The following STK32C variants were observed in gnomAD, a reference collection of about 807,000 sequenced individuals.
The protein encoded by STK32C is serine/threonine kinase 32C.
Under a neutral mutation model 56.5 loss-of-function variants are expected in STK32C, and 31 were observed. The observed-to-expected ratio is 0.55, with a 90% CI of 0.41 to 0.74. The LOEUF (loss-of-function observed/expected upper bound fraction) is 0.74, where lower values mean the gene tolerates loss of function less well. STK32C is among the 30% of genes least tolerant of loss of function. The pLI is 0.00. For missense variants in STK32C, 544 were observed against 676.9 expected (o/e 0.80, Z 2.18); for synonymous variants, 309 against 289.4 (o/e 1.07, Z -0.69).
intron 10 of STK32C, among the ~76,000 whole-genome samples, chr10:132,218,512 A>G (rs1243863793): frequency 6.6e-6 from 1 of 152,210 alleles, no homozygotes; most frequent in Non-Finnish European, 1.5e-5. Flanking sequence ...GCACACTAAG[A>G]TAACTATGAT....
intron 1 of STK32C, among the ~76,000 whole-genome samples, chr10:132,285,653 T>C (rs1348072538): frequency 6.6e-6 from 1 of 152,180 alleles, no homozygotes; most frequent in African/African-American, 2.4e-5. Context: ...TAAATGTGAA[T>C]GCACCCAACA....
Position 132,290,155 on chromosome 10 carries a change from C to A in STK32C, c.262+17417G>T, listed in dbSNP as rs138071074. Among the ~76,000 whole-genome samples, 939 of 152,270 alleles carry A rather than the reference C, an allele frequency of 6.2e-3. 14 individuals carry two copies. The highest frequency in any genetic ancestry group is 0.021 in the African/African-American group (884 of 41,554). ...CCACCATAGACCCCAAGAAGAACCC[C>A]GGGACCCAGCCAGAAAGGAGAGCAG... On this transcript the variant is annotated intron_variant, in intron 1 of 11. Transcript: ENST00000298630.
At chr10:132,295,704 C>T (rs559144852) in intron 1 of STK32C, among the ~76,000 whole-genome samples, 14 of 152,128 alleles carry the variant, frequency 9.2e-5, no homozygotes, top group African/African-American at 2.9e-4. Flanking sequence ...GCCGACATGG[C>T]GAAACTCTGT....
At chr10:132,306,639 T>C (rs931708955) in intron 1 of STK32C, among the ~76,000 whole-genome samples, 2 of 152,254 alleles carry the variant, frequency 1.3e-5, no homozygotes, top group African/African-American at 4.8e-5. Context: ...CTCTAAAATT[T>C]TGAAGGATCC....
chr10:132,277,744 G>A (rs2065033440), intron 1 of STK32C, among the ~76,000 whole-genome samples: 1 of 152,218 alleles, frequency 6.6e-6, no homozygotes. Context: ...TCTCTTCTGA[G>A]TCCCTTGCAC....
In STK32C at chr10:132,208,190, ACCTCCCTGG is replaced by A. The variant is rs200388708; in HGVS notation, c.1320-48_1320-40del. 2.4e-3 allele frequency: 3,066 copies of A among 1,301,266 alleles called. 40 individuals carry two copies. In the African/African-American group the frequency reaches 0.035, roughly 15 times the overall value. 80.6% of individuals were successfully genotyped at this position (1,301,266 alleles called of 1,614,324 possible). A position where few individuals can be genotyped will look rare whatever the true frequency, so the allele number is the denominator to read the frequency against. On this transcript the variant is annotated intron_variant, in intron 11 of 11. Coordinates refer to ENST00000298630, the MANE Select transcript of STK32C (RefSeq NM_173575.4). ...AACACATGGAGGGCGTTATGCCCCC[ACCTCCCTGG>A]CCTCACGGTCCCATGACCTGCCCAC...
intron 1 of STK32C, among the ~76,000 whole-genome samples, chr10:132,313,110 G>T (rs764302104): frequency 6.6e-6 from 1 of 152,150 alleles, no homozygotes; most frequent in Non-Finnish European, 1.5e-5. Context: ...GGTCAGACGG[G>T]TCTCCTGATA....
intron 1 of STK32C, among the ~76,000 whole-genome samples, chr10:132,277,674 G>C (rs1419615705): frequency 6.6e-6 from 1 of 152,218 alleles, no homozygotes; most frequent in Non-Finnish European, 1.5e-5. Context: ...AGGCCTGCAG[G>C]GGACTTTATT....
chr10:132,253,601 C>A (rs1263314409), intron 1 of STK32C, among the ~76,000 whole-genome samples: 1 of 144,784 alleles, frequency 6.9e-6, no homozygotes, highest in Admixed American at 6.9e-5. Context: ...GCCGAGGGAG[C>A]TGGAGGGAGC....
chr10:132,315,752 T>C (rs955123120), intron 1 of STK32C, among the ~76,000 whole-genome samples: 1 of 152,184 alleles, frequency 6.6e-6, no homozygotes, highest in African/African-American at 2.4e-5. Context: ...CAATAACCAA[T>C]AACTGCATAT....
In STK32C at chr10:132,226,913, C is replaced by T. The variant is rs369434869; in HGVS notation, c.526G>A (p.Gly176Arg). The T allele has an allele frequency of 1.2e-6, 2 of 1,613,474 alleles. No homozygotes were observed. Among genetic ancestry groups the T allele is most frequent in the East Asian group, 2.2e-5 (1 of 44,884 alleles). ...MFMVVDLLLG[G>R]DLRYHLQQNV... ...TGCTGCAGGTGGTAGCGCAGGTCCC[C>T]GCCCAGTAGCAGGTCCACGACCATG... The change falls in exon 4 of 12, where the codon GGG becomes AGG. Residue 176 changes from glycine (G) to arginine (R), a missense_variant. Coordinates refer to ENST00000298630, the MANE Select transcript of STK32C (RefSeq NM_173575.4).
chr10:132,321,567 T>C (rs899599756), downstream of STK32C, among the ~76,000 whole-genome samples: 6 of 152,160 alleles, frequency 3.9e-5, no homozygotes, highest in East Asian at 3.9e-4. Flanking sequence ...TGGTCGTTCA[T>C]GCCTATAATC....
At chr10:132,241,891 G>C (rs1467902256) in intron 2 of STK32C, among the ~76,000 whole-genome samples, 1 of 152,152 alleles carries the variant, frequency 6.6e-6, no homozygotes, top group African/African-American at 2.4e-5. Flanking sequence ...CAGATCTCTT[G>C]AGGTCACGAG....
At chr10:132,324,330 T>C (rs1240061208) in exon 2 of STK32C, 1 of 779,664 alleles carries the variant, frequency 1.3e-6, no homozygotes, top group Non-Finnish European at 2.4e-6. Context: ...CCATTCCACA[T>C]CTTCCTGGCA....
rs2137538875 is a variant in STK32C, at chr10:132,207,855, C to CCACGAG, written c.*149_*154dup. On this transcript the variant is annotated 3_prime_UTR_variant, in exon 12 of 12. Coordinates refer to ENST00000298630, the MANE Select transcript of STK32C (RefSeq NM_173575.4). ...CCACAGCCTCTTGTCCCCTGCACCA[C>CCACGAG]CACGAGCCTGAGGTGTGAAATGTGT... 1 of 932,380 alleles carries CCACGAG rather than the reference C, an allele frequency of 1.1e-6. No homozygotes were observed. Among genetic ancestry groups the CCACGAG allele is most frequent in the East Asian group, 3.3e-5 (1 of 30,358 alleles). The allele number at this position is 932,380 out of a possible 1,614,324, so 57.8% of individuals were successfully genotyped here.
At chr10:132,314,648 T>TA (rs1032573162) in intron 1 of STK32C, among the ~76,000 whole-genome samples, 15 of 151,842 alleles carry the variant, frequency 9.9e-5, no homozygotes, top group Non-Finnish European at 1.8e-4. Context: ...ACCTAAACAC[T>TA]AAAAAAGAAT....
intron 1 of STK32C, among the ~76,000 whole-genome samples, chr10:132,287,555 G>A (rs2065444140): frequency 6.6e-6 from 1 of 151,054 alleles, no homozygotes; most frequent in Admixed American, 6.6e-5. Flanking sequence ...GGGTTCAAGT[G>A]ATTCTTCTGC....
At chr10:132,220,671 C>T (rs903611507) in intron 10 of STK32C, among the ~76,000 whole-genome samples, 2 of 152,322 alleles carry the variant, frequency 1.3e-5, no homozygotes, top group East Asian at 3.9e-4. Flanking sequence ...AATTCCAACA[C>T]GAGTTTTAAG....
intron 1 of STK32C, among the ~76,000 whole-genome samples, chr10:132,302,778 G>A (rs957895003): frequency 1.9e-4 from 29 of 152,308 alleles, no homozygotes; most frequent in South Asian, 1.0e-3. Context: ...CATACCAACC[G>A]TGCGGGAGGA....
Sources: gnomAD v4.1 joint callset for allele counts (sites outside exome capture counted in the v4.1 genomes callset) on GRCh38, gnomAD v4.1.1 for gene constraint, MANE v1.5 for transcripts, NCBI Gene and HGNC (gene_info 2026-07-23, HGNC 2026-07-21) for gene names.